The following GRM7 variants were observed in gnomAD, a reference collection of about 807,000 sequenced individuals.
GRM7 encodes glutamate metabotropic receptor 7.
Under a neutral mutation model 84.5 loss-of-function variants are expected in GRM7, and 35 were observed. The ratio of observed to expected loss-of-function variants is 0.41; its 90% CI spans 0.32 to 0.55. GRM7 has a LOEUF of 0.55. GRM7 is among the 20% of genes least tolerant of loss of function. GRM7 has a pLI of 0.19. For synonymous variants in GRM7, 487 were observed against 455.1 expected (o/e 1.07, Z -0.89); for missense variants, 1,003 against 1,194.6 (o/e 0.84, Z 2.36).
At chr3:7,500,983 G>A (rs1699865611) in intron 7 of GRM7, among the ~76,000 whole-genome samples, 1 of 152,220 alleles carries the variant, frequency 6.6e-6, no homozygotes. Flanking sequence ...CTGTGAGGGT[G>A]AGAAGAAATG....
chr3:7,308,795 G>A (rs962648492), intron 4 of GRM7, among the ~76,000 whole-genome samples: 17 of 152,220 alleles, frequency 1.1e-4, no homozygotes, highest in Middle Eastern at 3.4e-3. Context: ...TGGATGCCAT[G>A]TAGACACAAT....
At chr3:6,969,683 A>C (rs1480343042) in intron 1 of GRM7, among the ~76,000 whole-genome samples, 1 of 152,228 alleles carries the variant, frequency 6.6e-6, no homozygotes, top group Non-Finnish European at 1.5e-5. Flanking sequence ...GGAAATTTCC[A>C]TCACATGATC....
intron 2 of GRM7, among the ~76,000 whole-genome samples, chr3:7,273,041 T>C (rs963928148): frequency 2.0e-5 from 3 of 152,078 alleles, no homozygotes; most frequent in African/African-American, 7.2e-5. Context: ...TGATAAGTTG[T>C]GTTTTCATTT....
intron 2 of GRM7, among the ~76,000 whole-genome samples, chr3:7,289,145 T>C (rs570540337): frequency 8.3e-4 from 127 of 152,258 alleles, no homozygotes; most frequent in Middle Eastern, 6.8e-3. Flanking sequence ...CCAGTGACAA[T>C]TGATTCTGAC....
chr3:7,506,625 G>A (rs1039501318), intron 7 of GRM7, among the ~76,000 whole-genome samples: 14 of 152,214 alleles, frequency 9.2e-5, no homozygotes, highest in Non-Finnish European at 1.3e-4. Flanking sequence ...AGGCTGAGAA[G>A]TCTAAGAACA....
intron 2 of GRM7, among the ~76,000 whole-genome samples, chr3:7,235,362 AGTACAGAATCTTTCACTTCTT>A (rs1697317077): frequency 6.6e-6 from 1 of 152,202 alleles, no homozygotes; most frequent in Non-Finnish European, 1.5e-5. Context: ...ACCATGGGTG[AGTACAGAATCTTTCACTTCTT>A]AAGCATCTCG....
intron 4 of GRM7, among the ~76,000 whole-genome samples, chr3:7,366,773 G>A (rs1406239233): frequency 6.6e-6 from 1 of 151,670 alleles, no homozygotes; most frequent in Non-Finnish European, 1.5e-5. Context: ...TAGGATTTCT[G>A]TATATTAATT....
intron 2 of GRM7, among the ~76,000 whole-genome samples, chr3:7,156,338 G>A (rs1386838351): frequency 6.6e-6 from 1 of 152,080 alleles, no homozygotes; most frequent in Non-Finnish European, 1.5e-5. Context: ...TAATGTTATT[G>A]AACAAAAAGT....
At chr3:7,640,580 C>G (rs1393569524) in intron 8 of GRM7, among the ~76,000 whole-genome samples, 1 of 152,096 alleles carries the variant, frequency 6.6e-6, no homozygotes, top group Non-Finnish European at 1.5e-5. Flanking sequence ...GCCAGTCAAG[C>G]ATATAGAAGG....
At chr3:6,877,554 C>G (rs1695355019) in intron 1 of GRM7, among the ~76,000 whole-genome samples, 1 of 152,148 alleles carries the variant, frequency 6.6e-6, no homozygotes, top group Non-Finnish European at 1.5e-5. Flanking sequence ...AAGCTTTTAA[C>G]AGTGGCAATG....
chr3:6,873,973 A>G (rs1695216478), intron 1 of GRM7, among the ~76,000 whole-genome samples: 1 of 152,252 alleles, frequency 6.6e-6, no homozygotes, highest in Non-Finnish European at 1.5e-5. Context: ...CAATGGGCAA[A>G]ATGCTTAATT....
At chr3:7,613,883 T>C (rs907774856) in intron 8 of GRM7, among the ~76,000 whole-genome samples, 4 of 152,210 alleles carry the variant, frequency 2.6e-5, no homozygotes, top group African/African-American at 4.8e-5. Flanking sequence ...GATACCACTG[T>C]TGTTTAACTT....
intron 1 of GRM7, among the ~76,000 whole-genome samples, chr3:6,891,630 G>T (rs551541139): frequency 1.3e-5 from 2 of 152,220 alleles, no homozygotes; most frequent in Admixed American, 6.5e-5. Context: ...TTCCCTTTGT[G>T]GGTAACCCGA....
chr3:7,615,624 T>C (rs1054372879), intron 8 of GRM7, among the ~76,000 whole-genome samples: 1 of 152,128 alleles, frequency 6.6e-6, no homozygotes, highest in African/African-American at 2.4e-5. Context: ...GTGGGTATAT[T>C]TCTATGTAGT....
intron 1 of GRM7, among the ~76,000 whole-genome samples, chr3:7,052,383 G>A (rs1304193438): frequency 6.6e-6 from 1 of 151,472 alleles, no homozygotes; most frequent in African/African-American, 2.4e-5. Context: ...TTTTTCTTCT[G>A]TTTTTGTTAG....
intron 4 of GRM7, among the ~76,000 whole-genome samples, chr3:7,308,309 C>T (rs1700268634): frequency 6.6e-6 from 1 of 152,128 alleles, no homozygotes; most frequent in Admixed American, 6.5e-5. Flanking sequence ...CTCACCCCAA[C>T]CAAGTGTGGG....
At chr3:6,956,592 G>A in intron 1 of GRM7, 1 of 456,612 alleles carries the variant, frequency 2.2e-6, no homozygotes, top group Non-Finnish European at 4.4e-6. Context: ...TCCTGTCTCA[G>A]TTTCCCAATC....
chr3:7,458,490 A>C (rs533097811), intron 6 of GRM7, among the ~76,000 whole-genome samples: 7 of 152,354 alleles, frequency 4.6e-5, no homozygotes, highest in African/African-American at 1.7e-4. Flanking sequence ...GCATTAGAGA[A>C]TCCATCAAAA....
At chr3:7,026,844 T>C (rs1193930424) in intron 1 of GRM7, among the ~76,000 whole-genome samples, 2 of 152,246 alleles carry the variant, frequency 1.3e-5, no homozygotes, top group Non-Finnish European at 2.9e-5. Flanking sequence ...AATTCTGGAC[T>C]GAATTTCAAA....
Sources: allele counts gnomAD v4.1 joint callset (sites outside exome capture counted in the v4.1 genomes callset), GRCh38; gene constraint gnomAD v4.1.1; transcripts MANE v1.5; gene names NCBI Gene and HGNC (gene_info 2026-07-23, HGNC 2026-07-21).